EMILIN2: variants seen among roughly 807,000 people sequenced by gnomAD.
The protein encoded by EMILIN2 is elastin microfibril interfacer 2, also known as EMILIN-2.
Under a neutral mutation model 87.1 loss-of-function variants are expected in EMILIN2, and 71 were observed. The observed-to-expected ratio is 0.82, with a 90% CI of 0.67 to 0.99. EMILIN2 has a LOEUF of 0.99. Ranked by LOEUF, EMILIN2 falls within the 50% of genes least tolerant of loss-of-function variation. EMILIN2 has a pLI of 0.00. For missense variants in EMILIN2, 1,407 were observed against 1,371.8 expected (o/e 1.03, Z -0.40); for synonymous variants, 581 against 563.4 (o/e 1.03, Z -0.44).
chr18:2,876,251 G>A (rs1598492715), intron 2 of EMILIN2, among the ~76,000 whole-genome samples: 1 of 151,736 alleles, frequency 6.6e-6, no homozygotes, highest in Admixed American at 6.6e-5. Context: ...AAAGTGCTGG[G>A]ATTACAGACA....
At chr18:2,913,045 G>T in intron 7 of EMILIN2, 22 bp from the exon 8 acceptor site, 1 of 1,604,254 alleles carries the variant, frequency 6.2e-7, no homozygotes, top group Non-Finnish European at 8.5e-7. Flanking sequence ...GGTGAGCACA[G>T]GGTTTGCCTT....
chr18:2,890,904 G>A lies in EMILIN2; in HGVS notation c.777G>A (p.Met259Ile). The A allele has an allele frequency of 2.5e-6, 4 of 1,613,984 alleles. No individual in the cohort carries two copies. Among genetic ancestry groups the A allele is most frequent in the Non-Finnish European group, 3.4e-6 (4 of 1,180,022 alleles). Reference protein sequence around the residue: ...PGVFNTKESGMKDIKSELAEV... With the variant: ...PGVFNTKESGIKDIKSELAEV... ...TCTTCAACACTAAGGAATCTGGCATGAAGGACATCAAGTCTGAATTGGCTG... is the reference window on the plus strand; with the variant it reads ...TCTTCAACACTAAGGAATCTGGCATAAAGGACATCAAGTCTGAATTGGCTG... The change falls in exon 4 of 8, where the codon ATG becomes ATA. Residue 259 changes from methionine (M) to isoleucine (I), a missense_variant. Coordinates refer to ENST00000254528, the MANE Select transcript of EMILIN2 (RefSeq NM_032048.3). The surrounding 1 kb of genome is among the most constrained non-coding windows in gnomAD (Gnocchi z 4.7).
At chr18:2,893,167 G>A (rs2076847669) in intron 4 of EMILIN2, among the ~76,000 whole-genome samples, 1 of 152,192 alleles carries the variant, frequency 6.6e-6, no homozygotes, top group African/African-American at 2.4e-5. Context: ...TCCCACAGAT[G>A]GATAGCCAAA....
intron 2 of EMILIN2, among the ~76,000 whole-genome samples, chr18:2,868,598 A>T (rs930255495): frequency 6.6e-6 from 1 of 152,260 alleles, no homozygotes; most frequent in African/African-American, 2.4e-5. Flanking sequence ...GCTGGAGACC[A>T]GCCCGGCCAA....
chr18:2,856,935 G>A (rs1382724978), intron 2 of EMILIN2, among the ~76,000 whole-genome samples: 2 of 152,190 alleles, frequency 1.3e-5, no homozygotes, highest in Non-Finnish European at 2.9e-5. Context: ...AAACATGCCA[G>A]TAAGTTTTCT....
At chr18:2,905,781 TTG>T (rs67464971) in intron 4 of EMILIN2, among the ~76,000 whole-genome samples, 36,207 of 108,358 alleles carry the variant, frequency 0.33, 5,326 homozygotes, top group South Asian at 0.48. Context: ...TTTTGTTTTT[TTG>T]TTTTTTTTTT....
chr18:2,861,584 T>C (rs2076661290), intron 2 of EMILIN2, among the ~76,000 whole-genome samples: 1 of 152,210 alleles, frequency 6.6e-6, no homozygotes, highest in Non-Finnish European at 1.5e-5. Context: ...TCTGTTCCAT[T>C]GGTCTATATC....
At position 2,848,515 on chromosome 18, in the gene EMILIN2, G is replaced by C. The variant is rs2076587718; in HGVS notation, c.257+584G>C. ...GCAACTTAGATTTGGAGATTCTCTA[G>C]AGATTGTGGGAGAGAATGGCCGTTA... On this transcript the variant is annotated intron_variant, in intron 2 of 7. Transcript: ENST00000254528. This position sits in a 1 kb window ranked among gnomAD's most constrained non-coding sequence, Gnocchi z 4.1. Among the ~76,000 whole-genome samples the C allele has an allele frequency of 6.6e-6, 1 of 151,534 alleles. No homozygotes were observed. Among genetic ancestry groups the C allele is most frequent in the Non-Finnish European group, 1.5e-5 (1 of 67,964 alleles).
At chr18:2,872,460 G>A (rs553139322) in intron 2 of EMILIN2, among the ~76,000 whole-genome samples, 3 of 152,094 alleles carry the variant, frequency 2.0e-5, no homozygotes, top group Non-Finnish European at 2.9e-5. Context: ...ATGCTCAAGC[G>A]AGCCTCCTGC....
intron 3 of EMILIN2, among the ~76,000 whole-genome samples, chr18:2,888,453 C>T (rs35893115): frequency 0.13 from 19,762 of 151,884 alleles, 1,477 homozygotes; most frequent in South Asian, 0.31. Flanking sequence ...CGGTGGCTCA[C>T]GTCTGTAATC....
chr18:2,869,896 G>A (rs972620920), intron 2 of EMILIN2, among the ~76,000 whole-genome samples: 9 of 151,764 alleles, frequency 5.9e-5, no homozygotes, highest in African/African-American at 1.9e-4. Context: ...GATACTTCTC[G>A]GAGTTTCTGA....
intron 5 of EMILIN2, 66 bp downstream of exon 5, chr18:2,907,151 G>A (rs2076918503): frequency 4.1e-6 from 5 of 1,221,890 alleles, no homozygotes; most frequent in Non-Finnish European, 4.1e-6. Context: ...GAGCCTCGGG[G>A]TCTGCTGAGG....
intron 2 of EMILIN2, among the ~76,000 whole-genome samples, chr18:2,868,365 C>T (rs559029898): frequency 2.0e-5 from 3 of 151,972 alleles, no homozygotes; most frequent in Non-Finnish European, 4.4e-5. Flanking sequence ...TGGGCGGCCA[C>T]GCAGAGACAC....
chr18:2,913,012 TGGCAAG>T (rs1383346731), intron 7 of EMILIN2, 49 bp from the exon 8 acceptor site: 1 of 1,579,328 alleles, frequency 6.3e-7, no homozygotes, highest in African/African-American at 1.3e-5. Flanking sequence ...CTTACTACCA[TGGCAAG>T]GGCTGTGACG....
Position 2,880,417 on chromosome 18 carries a change from C to T in EMILIN2, c.258-4547C>T, listed in dbSNP as rs894954497. On this transcript the variant is annotated intron_variant, in intron 2 of 7. Coordinates refer to ENST00000254528, the MANE Select transcript of EMILIN2 (RefSeq NM_032048.3). The surrounding 1 kb of genome is among the most constrained non-coding windows in gnomAD (Gnocchi z 4.1). ...TAGAGGAAGAGGCGGGCAAAGGAGA[C>T]TTGGCTGGAATGGGGGAGAGTTCAC... Among the ~76,000 whole-genome samples the T allele has an allele frequency of 1.3e-5, 2 of 152,204 alleles. No homozygotes were observed.
chr18:2,889,841 G>C (rs985067427), intron 3 of EMILIN2, among the ~76,000 whole-genome samples: 1 of 151,834 alleles, frequency 6.6e-6, no homozygotes, highest in Non-Finnish European at 1.5e-5. Context: ...TTCAATATTT[G>C]CATTCTTTGA....
chr18:2,899,976 G>A (rs116649322), intron 4 of EMILIN2, among the ~76,000 whole-genome samples: 7 of 152,194 alleles, frequency 4.6e-5, no homozygotes, highest in African/African-American at 7.2e-5. Context: ...CAACATCCAC[G>A]AGTTTGTACT....
At chr18:2,859,888 G>T (rs1299469974) in intron 2 of EMILIN2, among the ~76,000 whole-genome samples, 3 of 152,132 alleles carry the variant, frequency 2.0e-5, no homozygotes, top group Non-Finnish European at 4.4e-5. Context: ...GTAAGTATTT[G>T]GGTTTATACC....
At chr18:2,857,495 T>C (rs945621947) in intron 2 of EMILIN2, among the ~76,000 whole-genome samples, 3 of 152,328 alleles carry the variant, frequency 2.0e-5, no homozygotes, top group Middle Eastern at 3.4e-3. Flanking sequence ...TTCTAAACCA[T>C]AGTGGTGACA....
Sources: gnomAD v4.1 joint callset for allele counts (sites outside exome capture counted in the v4.1 genomes callset) on GRCh38, gnomAD v4.1.1 for gene constraint, Gnocchi (gnomAD v3.1) non-coding constraint, MANE v1.5 for transcripts, NCBI Gene and HGNC (gene_info 2026-07-23, HGNC 2026-07-21) for gene names.